The following SCLT1 variants were observed in gnomAD, a reference collection of about 807,000 sequenced individuals.
SCLT1 encodes the protein sodium channel-associated protein 1.
SCLT1 carries 78 observed loss-of-function variants against 112.8 expected under a neutral mutation model. That is an observed-to-expected ratio of 0.69 (90% confidence interval 0.58 to 0.83). SCLT1 has a LOEUF of 0.83. Among genes scored for constraint, SCLT1 ranks in the 40% least tolerant of loss-of-function variants. The pLI, the probability that SCLT1 is intolerant of heterozygous loss-of-function variation, is 0.00. For synonymous variants in SCLT1, 257 were observed against 254.7 expected (o/e 1.01, Z -0.09); for missense variants, 747 against 770.4 (o/e 0.97, Z 0.36).
At chr4:129,010,473 G>A (rs1256613401) in intron 5 of SCLT1, among the ~76,000 whole-genome samples, 1 of 152,132 alleles carries the variant, frequency 6.6e-6, no homozygotes, top group East Asian at 1.9e-4. Flanking sequence ...TAGTTTAATA[G>A]GAATAGCATT....
intron 7 of SCLT1, among the ~76,000 whole-genome samples, chr4:128,999,384 T>C (rs1743265103): frequency 6.6e-6 from 1 of 152,006 alleles, no homozygotes; most frequent in Non-Finnish European, 1.5e-5. Flanking sequence ...AATAAAAACT[T>C]TGAAGGTTTA....
intron 1 of SCLT1, among the ~76,000 whole-genome samples, chr4:129,087,236 G>C (rs1752474254): frequency 6.6e-6 from 1 of 152,132 alleles, no homozygotes; most frequent in South Asian, 2.1e-4. Flanking sequence ...GGTTCTTCTC[G>C]AGTACAATAC....
At chr4:128,951,707 A>G (rs1738755547) in intron 14 of SCLT1, among the ~76,000 whole-genome samples, 1 of 152,180 alleles carries the variant, frequency 6.6e-6, no homozygotes, top group Non-Finnish European at 1.5e-5. Flanking sequence ...TGGGTGATAG[A>G]AAAGGAAGCA....
intron 2 of SCLT1, among the ~76,000 whole-genome samples, chr4:129,062,339 T>G (rs1401809021): frequency 1.3e-5 from 2 of 152,142 alleles, no homozygotes; most frequent in African/African-American, 4.8e-5. Context: ...GCTATCTTTG[T>G]GAGGGGAACA....
chr4:129,088,978 G>T (rs1279800684), intron 1 of SCLT1, among the ~76,000 whole-genome samples: 2 of 152,120 alleles, frequency 1.3e-5, no homozygotes, highest in African/African-American at 4.8e-5. Context: ...AAAAGCAATG[G>T]CAAAAAAAGC....
At chr4:129,041,720 G>A (rs999657020) in intron 4 of SCLT1, 3 of 152,148 alleles carry the variant, frequency 2.0e-5, no homozygotes, top group South Asian at 2.1e-4. Context: ...TGAGGAAATC[G>A]GTCTCAGGGG....
chr4:128,904,551 T>A (rs1313641786), intron 18 of SCLT1, among the ~76,000 whole-genome samples: 1 of 152,128 alleles, frequency 6.6e-6, no homozygotes, highest in African/African-American at 2.4e-5. Context: ...TCTCTTCTCC[T>A]GAGTGCCCAC....
At chr4:128,892,753 G>C (rs186764674) in intron 18 of SCLT1, among the ~76,000 whole-genome samples, 2 of 152,302 alleles carry the variant, frequency 1.3e-5, no homozygotes, top group South Asian at 4.1e-4. Flanking sequence ...GACAGACTAC[G>C]AGGGAGATCA....
At chr4:128,982,241 G>C (rs1333810708) in intron 9 of SCLT1, among the ~76,000 whole-genome samples, 1 of 152,132 alleles carries the variant, frequency 6.6e-6, no homozygotes, top group Non-Finnish European at 1.5e-5. Context: ...CCCTGAGCTA[G>C]AAAAATTTAA....
intron 18 of SCLT1, among the ~76,000 whole-genome samples, chr4:128,912,651 A>G (rs1735189486): frequency 6.6e-6 from 1 of 152,014 alleles, no homozygotes; most frequent in East Asian, 1.9e-4. Context: ...TGCAAGTAAA[A>G]GTAAGTACAT....
chr4:129,040,065 G>C (rs1370976654), intron 4 of SCLT1: 2 of 637,324 alleles, frequency 3.1e-6, no homozygotes, highest in Non-Finnish European at 2.9e-6. Context: ...ACTTTCGCAA[G>C]GGCCAGGTGG....
At chr4:129,012,634 T>C (rs1398191352) in intron 5 of SCLT1, among the ~76,000 whole-genome samples, 2 of 147,934 alleles carry the variant, frequency 1.4e-5, no homozygotes, top group Admixed American at 1.4e-4. Context: ...AGACTTCCAC[T>C]ACTATTGTAT....
At chr4:129,039,931 C>CAA (rs199900977) in intron 4 of SCLT1, 2 of 408,710 alleles carry the variant, frequency 4.9e-6, no homozygotes, top group Non-Finnish European at 4.5e-6. Flanking sequence ...CACACACACA[C>CAA]AAAACCCTGA....
chr4:129,012,260 G>A (rs1361627580), intron 5 of SCLT1, among the ~76,000 whole-genome samples: 1 of 152,016 alleles, frequency 6.6e-6, no homozygotes, highest in Non-Finnish European at 1.5e-5. Flanking sequence ...CAAAGAACTT[G>A]ATTTCTGCCT....
chr4:129,050,076 T>G (rs1445976317), intron 2 of SCLT1, among the ~76,000 whole-genome samples: 1 of 152,214 alleles, frequency 6.6e-6, no homozygotes, highest in East Asian at 1.9e-4. Context: ...AACTCATTCT[T>G]TTTTATGGCT....
intron 4 of SCLT1, chr4:128,876,490 GA>G (rs775091065): frequency 6.6e-6 from 1 of 152,178 alleles, no homozygotes; most frequent in East Asian, 1.9e-4. Context: ...CCAAATCACT[GA>G]AAAAACAGTT....
At chr4:129,075,048 G>C (rs891671187) in intron 2 of SCLT1, among the ~76,000 whole-genome samples, 1 of 152,002 alleles carries the variant, frequency 6.6e-6, no homozygotes, top group Non-Finnish European at 1.5e-5. Context: ...AATGCTGATG[G>C]TGTATCACAG....
intron 9 of SCLT1, among the ~76,000 whole-genome samples, chr4:128,990,729 A>G (rs1201041770): frequency 6.6e-6 from 1 of 151,580 alleles, no homozygotes; most frequent in African/African-American, 2.4e-5. Flanking sequence ...TAGATTGGAT[A>G]AATTAAGTTG....
At chr4:129,035,847 A>AT (rs35547438) in intron 5 of SCLT1, among the ~76,000 whole-genome samples, 73 of 149,476 alleles carry the variant, frequency 4.9e-4, no homozygotes, top group South Asian at 2.1e-3. Context: ...AATAATATGT[A>AT]TTTTTTTTTT....
Sources: gnomAD v4.1 joint callset for allele counts (sites outside exome capture counted in the v4.1 genomes callset) on GRCh38, gnomAD v4.1.1 for gene constraint, MANE v1.5 for transcripts, NCBI Gene and HGNC (gene_info 2026-07-23, HGNC 2026-07-21) for gene names.